TPD52: variants seen among roughly 807,000 people sequenced by gnomAD.
TPD52 encodes the protein prostate and colon associated protein.
TPD52 carries 17 observed loss-of-function variants against 31.3 expected under a neutral mutation model. That is an observed-to-expected ratio of 0.54 (90% CI 0.37 to 0.82). The LOEUF (loss-of-function observed/expected upper bound fraction) is 0.82, where lower values mean the gene tolerates loss of function less well. TPD52 is among the 40% of genes least tolerant of loss of function. TPD52 has a pLI of 0.00. For missense variants in TPD52, 212 were observed against 240.1 expected, an observed-to-expected ratio of 0.88 and a Z score of 0.77; for synonymous variants, 83 against 89.6, an observed-to-expected ratio of 0.93 and a Z score of 0.42.
At chr8:80,073,659 G>T (rs551157896) in intron 1 of TPD52, among the ~76,000 whole-genome samples, 1 of 152,344 alleles carries the variant, frequency 6.6e-6, no homozygotes, top group East Asian at 1.9e-4. Context: ...AAGTTATACA[G>T]TCAAGTTAGA....
At chr8:80,149,931 T>C (rs748498059) in intron 1 of TPD52, among the ~76,000 whole-genome samples, 50 of 152,202 alleles carry the variant, frequency 3.3e-4, no homozygotes, top group South Asian at 6.2e-4. Context: ...CTGCAGAAAT[T>C]TGTATAAGTA....
chr8:80,093,634 C>T (rs1816460713), intron 1 of TPD52, among the ~76,000 whole-genome samples: 1 of 152,108 alleles, frequency 6.6e-6, no homozygotes, highest in Admixed American at 6.5e-5. Flanking sequence ...CCAAGTCATA[C>T]ATTTAGGCAG....
At chr8:80,131,015 A>AGT (rs1034730998) in intron 1 of TPD52, among the ~76,000 whole-genome samples, 1 of 152,180 alleles carries the variant, frequency 6.6e-6, no homozygotes, top group Non-Finnish European at 1.5e-5. Context: ...TTTTTCACAC[A>AGT]GTGTCTTCCG....
chr8:80,099,085 T>C (rs1164726648), intron 1 of TPD52, among the ~76,000 whole-genome samples: 1 of 152,198 alleles, frequency 6.6e-6, no homozygotes, highest in African/African-American at 2.4e-5. Context: ...ATAATGCCTA[T>C]TGTGCATTTA....
chr8:80,128,494 C>CAAAAAA (rs3053828), intron 1 of TPD52, among the ~76,000 whole-genome samples: 37,531 of 82,202 alleles, frequency 0.46, 8,306 homozygotes, highest in East Asian at 0.76. Flanking sequence ...CCTGTCTCTA[C>CAAAAAA]AAAAAAAAAA....
intron 1 of TPD52, among the ~76,000 whole-genome samples, chr8:80,150,375 C>A (rs898156827): frequency 6.7e-6 from 1 of 149,288 alleles, no homozygotes; most frequent in Non-Finnish European, 1.5e-5. Context: ...AGTGCAGGAG[C>A]GAAATGTGGG....
intron 1 of TPD52, among the ~76,000 whole-genome samples, chr8:80,113,849 T>C (rs1015229743): frequency 5.3e-5 from 8 of 152,238 alleles, no homozygotes; most frequent in Non-Finnish European, 7.3e-5. Flanking sequence ...AATATGCTAA[T>C]TACCCTGATT....
chr8:80,161,878 C>T (rs1161018457), intron 1 of TPD52, among the ~76,000 whole-genome samples: 1 of 151,780 alleles, frequency 6.6e-6, no homozygotes, highest in African/African-American at 2.4e-5. Context: ...TACAGACATG[C>T]ACCACCACGC....
chr8:80,064,791 C>G (rs949119942), intron 1 of TPD52, 198 bp from the exon 2 acceptor site: 27 of 691,356 alleles, frequency 3.9e-5, no homozygotes, highest in Admixed American at 3.9e-4. Context: ...ACCAAGTAGA[C>G]TCTGCCAAAA....
chr8:80,049,531 G>C (rs1002064222), intron 5 of TPD52, among the ~76,000 whole-genome samples: 2 of 152,120 alleles, frequency 1.3e-5, no homozygotes, highest in African/African-American at 2.4e-5. Context: ...TTAAGTACCT[G>C]TTTGCTTACT....
intron 1 of TPD52, among the ~76,000 whole-genome samples, chr8:80,093,848 A>C (rs1816480071): frequency 6.6e-6 from 1 of 152,218 alleles, no homozygotes; most frequent in Non-Finnish European, 1.5e-5. Flanking sequence ...AATTTCACAT[A>C]CTTTCCTTTA....
chr8:80,043,864 G>A (rs766582123), intron 6 of TPD52, among the ~76,000 whole-genome samples: 5 of 152,104 alleles, frequency 3.3e-5, no homozygotes, highest in Non-Finnish European at 7.4e-5. Context: ...CAGAGGTGGC[G>A]GGACAAAAGA....
chr8:80,090,846 G>A (rs1401115068), intron 1 of TPD52, among the ~76,000 whole-genome samples: 3 of 152,084 alleles, frequency 2.0e-5, no homozygotes, highest in South Asian at 4.1e-4. Context: ...TAAAGAAATC[G>A]TTTATTTGGC....
intron 1 of TPD52, among the ~76,000 whole-genome samples, chr8:80,157,478 CT>C (rs548307955): frequency 6.6e-6 from 1 of 152,268 alleles, no homozygotes; most frequent in African/African-American, 2.4e-5. Flanking sequence ...AGGTTTCCCC[CT>C]CAACAATGAC....
At chr8:80,166,342 C>G (rs935230556) in intron 1 of TPD52, among the ~76,000 whole-genome samples, 1 of 151,894 alleles carries the variant, frequency 6.6e-6, no homozygotes, top group Non-Finnish European at 1.5e-5. Context: ...AAGCGATTCT[C>G]CCGCCTCAGC....
At chr8:80,107,751 G>A (rs960520835) in intron 1 of TPD52, among the ~76,000 whole-genome samples, 2 of 148,760 alleles carry the variant, frequency 1.3e-5, no homozygotes, top group African/African-American at 4.9e-5. Context: ...CCAAATGTGT[G>A]TTTTTTTTTT....
At position 80,094,428 on chromosome 8, in the gene TPD52, TTTTATATATATATATATATATATATA is replaced by T. The variant is rs1363672862; in HGVS notation, c.20-29861_20-29836del. 7.6e-3 allele frequency among the ~76,000 whole-genome samples: 526 copies of T among 69,124 alleles called. 24 individuals carry two copies. The highest frequency in any genetic ancestry group is 0.021 in the African/African-American group (503 of 23,440). 45.3% of individuals were successfully genotyped at this position (69,124 alleles called of 152,430 possible). On this transcript the variant is annotated intron_variant, in intron 1 of 7. Coordinates refer to ENST00000518937, the MANE Select transcript of TPD52 (RefSeq NM_001025253.3). ...TGACTAAGTTCTAGACAAAAGAAAA[TTTTATATATATATATATATATATATA>T]TATATATATATATATATATATATAT... is the stretch of plus-strand genomic sequence containing the variant.
At position 80,064,628 on chromosome 8, in the gene TPD52, A is replaced by T. The variant is rs372013455; in HGVS notation, c.20-35T>A. On this transcript the variant is annotated intron_variant, in intron 1 of 7. Coordinates refer to ENST00000518937, the MANE Select transcript of TPD52 (RefSeq NM_001025253.3). Reference sequence around the variant, plus strand: ...GATTTAAACCATTTTTTAAAGTGCAAAATCTAAGTAAAATCCCTATTTAAG... The same window carrying T: ...GATTTAAACCATTTTTTAAAGTGCATAATCTAAGTAAAATCCCTATTTAAG... 39 of 1,508,312 alleles carry T rather than the reference A, an allele frequency of 2.6e-5. No individual in the cohort carries two copies. In the African/African-American group the frequency reaches 5.4e-4, roughly 21 times the overall value. The allele number at this position is 1,508,312 out of a possible 1,614,324, so 93.4% of individuals were successfully genotyped here. A position where few individuals can be genotyped will look rare whatever the true frequency, so the allele number is the denominator to read the frequency against.
intron 2 of TPD52, among the ~76,000 whole-genome samples, chr8:80,054,755 A>AG (rs980938121): frequency 2.0e-5 from 3 of 151,846 alleles, no homozygotes; most frequent in Admixed American, 6.6e-5. Flanking sequence ...AAAAAAAAAA[A>AG]AAGAAGAAAA....
Sources: gnomAD v4.1 joint callset for allele counts (sites outside exome capture counted in the v4.1 genomes callset) on GRCh38, gnomAD v4.1.1 for gene constraint, MANE v1.5 for transcripts, NCBI Gene and HGNC (gene_info 2026-07-23, HGNC 2026-07-21) for gene names.